TTLL7: variants seen among roughly 807,000 people sequenced by gnomAD.
TTLL7 encodes tubulin tyrosine ligase like 7, also known as tubulin polyglutamylase TTLL7.
Under a neutral mutation model 120.2 loss-of-function variants are expected in TTLL7, and 53 were observed. That is an observed-to-expected ratio of 0.44 (90% CI 0.35 to 0.55). The LOEUF (loss-of-function observed/expected upper bound fraction) is 0.55, where lower values mean the gene tolerates loss of function less well. TTLL7 is among the 20% of genes least tolerant of loss of function. TTLL7 has a pLI of 0.00. For missense variants in TTLL7, 803 were observed against 1,054.7 expected, an observed-to-expected ratio of 0.76 and a Z score of 3.31; for synonymous variants, 353 against 351.7, an observed-to-expected ratio of 1.00 and a Z score of -0.04.
intron 9 of TTLL7, among the ~76,000 whole-genome samples, chr1:83,932,562 G>GAC (rs879409621): frequency 1.6e-5 from 2 of 122,590 alleles, no homozygotes; most frequent in African/African-American, 2.6e-5. Context: ...ACCACACATA[G>GAC]GCGCGCGCAC....
intron 1 of TTLL7, among the ~76,000 whole-genome samples, chr1:83,990,987 T>C (rs897929457): frequency 1.3e-5 from 2 of 152,228 alleles, no homozygotes; most frequent in African/African-American, 4.8e-5. Context: ...ATGTGGTACA[T>C]ACTTATAACG....
intron 1 of TTLL7, among the ~76,000 whole-genome samples, chr1:83,962,679 A>G (rs1189400389): frequency 6.6e-6 from 1 of 152,156 alleles, no homozygotes; most frequent in Non-Finnish European, 1.5e-5. Flanking sequence ...TGGCCTGGCC[A>G]GTGAAGTGTA....
chr1:83,976,149 T>C (rs980919034), intron 1 of TTLL7, among the ~76,000 whole-genome samples: 3 of 151,878 alleles, frequency 2.0e-5, no homozygotes, highest in African/African-American at 7.3e-5. Flanking sequence ...GTCTGAAAGA[T>C]ATTCGAACTA....
intron 15 of TTLL7, among the ~76,000 whole-genome samples, chr1:83,910,181 C>T (rs1323438984): frequency 3.9e-5 from 6 of 152,084 alleles, no homozygotes; most frequent in Non-Finnish European, 7.4e-5. Context: ...GTTCTTTATT[C>T]CTCATGCATT....
Position 83,916,258 on chromosome 1 carries a change from T to C in TTLL7, c.1587+1346A>G, listed in dbSNP as rs538035004. Among the ~76,000 whole-genome samples, 1,098 of 152,170 alleles carry C rather than the reference T, an allele frequency of 7.2e-3. 19 individuals are homozygous for C. Among genetic ancestry groups the C allele is most frequent in the African/African-American group, 0.025 (1,050 of 41,500 alleles). ...AACCAACCCAAATGTTCAACAATGA[T>C]AGACTGGATTAAGAAAATGTGGCAC... On this transcript the variant is annotated intron_variant, in intron 14 of 20. Transcript: ENST00000260505.
At chr1:83,883,306 T>C (rs1440706281) in intron 19 of TTLL7, among the ~76,000 whole-genome samples, 170 bp from the exon 20 acceptor site, 6 of 152,082 alleles carry the variant, frequency 3.9e-5, no homozygotes, top group Non-Finnish European at 8.8e-5. Context: ...AGGAAATTAA[T>C]CTTTATATTA....
intron 1 of TTLL7, among the ~76,000 whole-genome samples, chr1:83,964,500 A>G (rs1650278440): frequency 1.3e-5 from 2 of 152,188 alleles, no homozygotes; most frequent in South Asian, 4.1e-4. Flanking sequence ...AACTTTAATT[A>G]TTGTTTCATT....
At chr1:83,992,791 CTTTTT>C (rs367737528) in intron 1 of TTLL7, among the ~76,000 whole-genome samples, 5 of 101,546 alleles carry the variant, frequency 4.9e-5, no homozygotes, top group African/African-American at 1.5e-4. Flanking sequence ...TATTCAAGTT[CTTTTT>C]TTTTTTTTTT....
At chr1:83,949,781 C>T in intron 4 of TTLL7, 84 bp downstream of exon 4, 2 of 1,473,326 alleles carry the variant, frequency 1.4e-6, no homozygotes, top group South Asian at 1.2e-5. Flanking sequence ...AATAAGGCAA[C>T]ATATTAAGAA....
chr1:83,952,488 T>C, intron 1 of TTLL7, 101 bp from the exon 2 acceptor site: 1 of 338,232 alleles, frequency 3.0e-6, no homozygotes, highest in Non-Finnish European at 5.3e-6. Flanking sequence ...TGAAAGTTAA[T>C]GTGTTCAATC....
intron 1 of TTLL7, among the ~76,000 whole-genome samples, chr1:83,973,308 A>G (rs35946036): frequency 0.43 from 65,587 of 151,934 alleles, 15,598 homozygotes; most frequent in Non-Finnish European, 0.54. Flanking sequence ...TTGTTCCAGC[A>G]TGATTTGTTG....
chr1:83,998,805 G>A, intron 1 of TTLL7, 126 bp downstream of exon 1: 1 of 300,986 alleles, frequency 3.3e-6, no homozygotes, highest in East Asian at 1.4e-4. Flanking sequence ...GCTCCCAGCG[G>A]GGACGGTGTC....
chr1:83,891,260 T>C (rs1655436774), intron 18 of TTLL7, among the ~76,000 whole-genome samples: 1 of 151,956 alleles, frequency 6.6e-6, no homozygotes, highest in Non-Finnish European at 1.5e-5. Flanking sequence ...TAAAGAATGT[T>C]TACCAAAATT....
intron 6 of TTLL7, among the ~76,000 whole-genome samples, chr1:83,943,403 G>C (rs1036853447): frequency 5.9e-5 from 9 of 152,146 alleles, no homozygotes; most frequent in Non-Finnish European, 1.3e-4. Context: ...CTAACCATCA[G>C]ACTCTGTACA....
In TTLL7 at chr1:83,906,376, G is replaced by T; in HGVS notation, c.2080C>A (p.Arg694=). ...TCTGCATCTGACTTTCCTGGAAACC[G>T]GATCTTCATGTCTTTGAGAACAAAT... ...TLFVLKDMKI[R]FPGKSDAESE... is the part of the protein sequence containing the mutation. The change falls in exon 17 of 21, where the codon CGG becomes AGG. Residue 694 remains arginine, a synonymous_variant. Transcript: ENST00000260505. 1 of 1,612,342 alleles carries T rather than the reference G, an allele frequency of 6.2e-7. No individual in the cohort carries two copies. The highest frequency in any genetic ancestry group is 8.5e-7 in the Non-Finnish European group (1 of 1,179,034).
At chr1:83,889,049 TACCCA>T (rs1655215144) in intron 19 of TTLL7, among the ~76,000 whole-genome samples, 1 of 152,062 alleles carries the variant, frequency 6.6e-6, no homozygotes, top group African/African-American at 2.4e-5. Context: ...AAAAAAGACA[TACCCA>T]AGACTGGGTA....
chr1:83,955,088 G>A (rs944100856), intron 1 of TTLL7, among the ~76,000 whole-genome samples: 4 of 151,994 alleles, frequency 2.6e-5, no homozygotes, highest in East Asian at 1.9e-4. Context: ...CTATTCTTCC[G>A]TTGAGCTTCT....
rs553468706 is a variant in TTLL7, at chr1:83,942,954, G to A, written c.507-275C>T. On this transcript the variant is annotated intron_variant, in intron 6 of 20. Coordinates refer to ENST00000260505, the MANE Select transcript of TTLL7 (RefSeq NM_024686.6). ...TAACATTTTAAGTTAATCTAGTCTCGCCATCCACTCCCAGCTCAGCAGCAG... is the reference window on the plus strand; with the variant it reads ...TAACATTTTAAGTTAATCTAGTCTCACCATCCACTCCCAGCTCAGCAGCAG... Among the ~76,000 whole-genome samples, 97 of 152,086 alleles carry A rather than the reference G, an allele frequency of 6.4e-4. 1 individual carries two copies. The highest frequency in any genetic ancestry group is 1.2e-3 in the Non-Finnish European group (83 of 67,998).
rs750662562 is a variant in TTLL7, at chr1:83,921,074, G to A, written c.1364+13C>T. 7 of 1,605,610 alleles carry A rather than the reference G, an allele frequency of 4.4e-6. No individual in the cohort carries two copies. Among genetic ancestry groups the A allele is most frequent in the Middle Eastern group, 3.4e-4 (2 of 5,886 alleles). On this transcript the variant is annotated intron_variant, in intron 12 of 20. Transcript: ENST00000260505. ...CATTTTTTCAATCTATACAAAAATA[G>A]CAGCACAGTTACCTATAATTCCCCA...
Sources: allele counts gnomAD v4.1 joint callset (sites outside exome capture counted in the v4.1 genomes callset), GRCh38; gene constraint gnomAD v4.1.1; transcripts MANE v1.5; gene names NCBI Gene and HGNC (gene_info 2026-07-23, HGNC 2026-07-21).